PIP4K2A: variants seen among roughly 807,000 people sequenced by gnomAD.
PIP4K2A encodes the protein phosphatidylinositol 5-phosphate 4-kinase type-2 alpha.
In PIP4K2A, 14 loss-of-function variants were observed where a neutral mutation model predicts 42.9. The observed-to-expected ratio is 0.33, with a 90% CI of 0.22 to 0.51. The LOEUF is 0.51. PIP4K2A is among the 20% of genes least tolerant of loss of function. The probability of loss-of-function intolerance (pLI) is 0.97; values close to 1 mark genes in which losing one functional copy is unlikely to be tolerated. For synonymous variants in PIP4K2A, 192 were observed against 192.2 expected (o/e 1.00, Z 0.01); for missense variants, 434 against 519.8 (o/e 0.83, Z 1.61).
chr10:22,712,938 GTGTC>G (rs1382432009), intron 1 of PIP4K2A, among the ~76,000 whole-genome samples: 56 of 151,696 alleles, frequency 3.7e-4, no homozygotes, highest in Admixed American at 6.5e-4. Flanking sequence ...GTGTGTGTGT[GTGTC>G]TGTGTGTGTG....
intron 1 of PIP4K2A, among the ~76,000 whole-genome samples, chr10:22,661,183 G>A (rs1045922583): frequency 2.0e-5 from 3 of 152,156 alleles, no homozygotes; most frequent in Admixed American, 6.5e-5. Context: ...ATTCATCTTT[G>A]CAGTTGCAAA....
intron 1 of PIP4K2A, among the ~76,000 whole-genome samples, chr10:22,627,630 A>AAAAAAG (rs1346625282): frequency 5.1e-5 from 6 of 118,134 alleles, no homozygotes; most frequent in Non-Finnish European, 1.1e-4. Flanking sequence ...AAAAAAAAAA[A>AAAAAAG]AGATAAGGAA....
intron 3 of PIP4K2A, among the ~76,000 whole-genome samples, chr10:22,595,536 C>T (rs1445419248): frequency 6.6e-6 from 1 of 152,142 alleles, no homozygotes; most frequent in Non-Finnish European, 1.5e-5. Context: ...GTGGGCGGAT[C>T]ACTTGAGGCC....
At chr10:22,558,739 T>C (rs1204840117) in intron 6 of PIP4K2A, among the ~76,000 whole-genome samples, 2 of 152,200 alleles carry the variant, frequency 1.3e-5, no homozygotes, top group African/African-American at 4.8e-5. Context: ...TGTGAACATC[T>C]TATAATTTTT....
chr10:22,640,626 T>C (rs1008328983), intron 1 of PIP4K2A, among the ~76,000 whole-genome samples: 6 of 152,220 alleles, frequency 3.9e-5, no homozygotes, highest in African/African-American at 1.2e-4. Context: ...TGTGGAGTTC[T>C]GCTGAAAGAG....
intron 1 of PIP4K2A, among the ~76,000 whole-genome samples, chr10:22,665,267 G>T (rs1421670257): frequency 6.6e-6 from 1 of 152,132 alleles, no homozygotes; most frequent in East Asian, 1.9e-4. Flanking sequence ...AATGCTTTGC[G>T]TTTTAAAAAT....
intron 1 of PIP4K2A, among the ~76,000 whole-genome samples, chr10:22,712,722 T>C (rs892624808): frequency 6.6e-6 from 1 of 152,184 alleles, no homozygotes; most frequent in African/African-American, 2.4e-5. Context: ...TGCCAGGAAG[T>C]TAAAATGAAC....
In PIP4K2A at chr10:22,599,703, T is replaced by A. The variant is rs1837711630; in HGVS notation, c.340-7922A>T. ...AAGAGTATGACAATTTAGTTCATTT[T>A]CGCCTATTTTGCAACGTGGTGAATA... On this transcript the variant is annotated intron_variant, in intron 3 of 9. Coordinates refer to ENST00000376573, the MANE Select transcript of PIP4K2A (RefSeq NM_005028.5). 3.3e-5 allele frequency among the ~76,000 whole-genome samples: 5 copies of A among 152,232 alleles called. No homozygotes were observed. The South Asian group carries it at 1.0e-3, about 31-fold the overall frequency.
Position 22,673,839 on chromosome 10 carries a change from T to C in PIP4K2A, c.144+40344A>G, listed in dbSNP as rs370999740. Among the ~76,000 whole-genome samples, 8 of 152,270 alleles carry C rather than the reference T, an allele frequency of 5.3e-5. No individual in the cohort carries two copies. In the East Asian group the frequency reaches 1.5e-3, roughly 29 times the overall value. Reference sequence around the variant, plus strand: ...TTTATTCATACCACTATTTAATCCTTTTTCTTCAGTAATACACTGGATGGC... The same window carrying C: ...TTTATTCATACCACTATTTAATCCTCTTTCTTCAGTAATACACTGGATGGC... On this transcript the variant is annotated intron_variant, in intron 1 of 9. Coordinates refer to ENST00000376573, the MANE Select transcript of PIP4K2A (RefSeq NM_005028.5).
intron 1 of PIP4K2A, among the ~76,000 whole-genome samples, chr10:22,686,514 T>C (rs1291353956): frequency 6.6e-6 from 1 of 152,238 alleles, no homozygotes; most frequent in Non-Finnish European, 1.5e-5. Flanking sequence ...TTTTACTCTG[T>C]TGCCCAAGCT....
chr10:22,610,096 G>A (rs1304676574), intron 1 of PIP4K2A, among the ~76,000 whole-genome samples: 1 of 152,170 alleles, frequency 6.6e-6, no homozygotes, highest in Non-Finnish European at 1.5e-5. Context: ...GAGAAAGAAA[G>A]CTTTTAAATT....
At chr10:22,633,396 T>C (rs1322643320) in intron 1 of PIP4K2A, among the ~76,000 whole-genome samples, 1 of 152,224 alleles carries the variant, frequency 6.6e-6, no homozygotes, top group Non-Finnish European at 1.5e-5. Context: ...ACTCACTTTC[T>C]GTAAGTCTAT....
intron 1 of PIP4K2A, among the ~76,000 whole-genome samples, chr10:22,633,880 G>GC (rs1326655922): frequency 1.3e-5 from 2 of 152,302 alleles, no homozygotes; most frequent in African/African-American, 4.8e-5. Context: ...GCTTCTCAAG[G>GC]CATCTCAGAT....
chr10:22,677,878 G>A (rs1026201255), intron 1 of PIP4K2A, among the ~76,000 whole-genome samples: 15 of 152,060 alleles, frequency 9.9e-5, no homozygotes, highest in African/African-American at 2.7e-4. Context: ...GTAACAATTC[G>A]GAGATTTGCT....
intron 1 of PIP4K2A, among the ~76,000 whole-genome samples, chr10:22,696,069 T>C (rs1010419603): frequency 3.3e-5 from 5 of 152,186 alleles, no homozygotes; most frequent in African/African-American, 1.2e-4. Flanking sequence ...CTGTAATCCC[T>C]CCTCAGAGGG....
rs1839621889 is a variant in PIP4K2A at position 22,679,498 on chromosome 10, A to G, written c.144+34685T>C. On this transcript the variant is annotated intron_variant, in intron 1 of 9. Transcript: ENST00000376573. ...GTAAAATTATACAGTTGCTTTGGCC[A>G]TTCCTCAGAAAATTAAACACAGAGG... 2.6e-5 allele frequency among the ~76,000 whole-genome samples: 4 copies of G among 152,222 alleles called. No individual in the cohort carries two copies. The South Asian group carries it at 8.3e-4, about 32-fold the overall frequency.
rs1839393962 is a variant in PIP4K2A, at chr10:22,668,603, T to C, written c.144+45580A>G. Among the ~76,000 whole-genome samples, 3 of 152,220 alleles carry C rather than the reference T, an allele frequency of 2.0e-5. No individual in the cohort carries two copies. The South Asian group carries it at 6.2e-4, about 32-fold the overall frequency. On this transcript the variant is annotated intron_variant, in intron 1 of 9. Transcript: ENST00000376573. ...CATTATTTGGAACTCAGAATGCATT[T>C]TCCTGAAAATTCAATGTTATAAATA...
intron 1 of PIP4K2A, among the ~76,000 whole-genome samples, chr10:22,611,976 T>A (rs1237092266): frequency 2.0e-5 from 3 of 152,326 alleles, no homozygotes; most frequent in East Asian, 3.9e-4. Context: ...GCTGCTTAAA[T>A]CAGTATCACT....
At position 22,605,443 on chromosome 10, in the gene PIP4K2A, T is replaced by G. The variant is rs193018928; in HGVS notation, c.339+2484A>C. 2.4e-3 allele frequency among the ~76,000 whole-genome samples: 366 copies of G among 152,306 alleles called. 2 individuals are homozygous for G. The highest frequency in any genetic ancestry group is 8.5e-3 in the African/African-American group (352 of 41,584). ...CAATATCAACTTACGTAGTTTTCTTTGTAGGGCGAAAAAAAGGGAAGGAAA... is the reference window on the plus strand; with the variant it reads ...CAATATCAACTTACGTAGTTTTCTTGGTAGGGCGAAAAAAAGGGAAGGAAA... On this transcript the variant is annotated intron_variant, in intron 3 of 9. Coordinates refer to ENST00000376573, the MANE Select transcript of PIP4K2A (RefSeq NM_005028.5).
Sources: allele counts gnomAD v4.1 joint callset (sites outside exome capture counted in the v4.1 genomes callset), GRCh38; gene constraint gnomAD v4.1.1; transcripts MANE v1.5; gene names NCBI Gene and HGNC (gene_info 2026-07-23, HGNC 2026-07-21).